Variants in SLC22A23 observed in about 807,000 individuals in gnomAD.
The protein encoded by SLC22A23 is solute carrier family 22 member 23, also known as ion transporter protein.
Under a neutral mutation model 61.0 loss-of-function variants are expected in SLC22A23, and 26 were observed. The ratio of observed to expected loss-of-function variants is 0.43; its 90% confidence interval spans 0.31 to 0.59. The LOEUF (loss-of-function observed/expected upper bound fraction) is 0.59, where lower values mean the gene tolerates loss of function less well. SLC22A23 is among the 20% of genes least tolerant of loss of function. The pLI, the probability that SLC22A23 is intolerant of heterozygous loss-of-function variation, is 0.11. For synonymous variants in SLC22A23, 430 were observed against 413.9 expected (o/e 1.04, Z -0.47); for missense variants, 796 against 934.7 (o/e 0.85, Z 1.94).
At chr6:3,305,570 AT>A (rs1032180053) in intron 4 of SLC22A23, among the ~76,000 whole-genome samples, 9 of 152,148 alleles carry the variant, frequency 5.9e-5, no homozygotes, top group African/African-American at 2.2e-4. Flanking sequence ...GCGTGGCCAT[AT>A]TATGGGAACT....
chr6:3,316,217 G>A (rs1234773876), intron 4 of SLC22A23, among the ~76,000 whole-genome samples: 4 of 152,212 alleles, frequency 2.6e-5, no homozygotes, highest in African/African-American at 7.2e-5. Context: ...GAGTGATTTG[G>A]TGAAGGTTTT....
At chr6:3,367,120 T>G (rs1765885590) in intron 3 of SLC22A23, among the ~76,000 whole-genome samples, 1 of 152,184 alleles carries the variant, frequency 6.6e-6, no homozygotes, top group Admixed American at 6.5e-5. Context: ...GGGAAGTGTG[T>G]GTGTATTTTA....
intron 1 of SLC22A23, among the ~76,000 whole-genome samples, chr6:3,450,333 G>C (rs919024741): frequency 2.0e-5 from 3 of 152,174 alleles, no homozygotes; most frequent in Non-Finnish European, 2.9e-5. Flanking sequence ...TTGAGACGGA[G>C]TCTCGCTCTG....
intron 4 of SLC22A23, among the ~76,000 whole-genome samples, chr6:3,301,796 G>A (rs1217352697): frequency 6.6e-6 from 1 of 152,246 alleles, no homozygotes; most frequent in South Asian, 2.1e-4. Context: ...ATCCTCAAGT[G>A]TTACCCACAG....
chr6:3,310,356 C>G, intron 4 of SLC22A23, among the ~76,000 whole-genome samples: 1 of 76,772 alleles, frequency 1.3e-5, no homozygotes, highest in Non-Finnish European at 3.1e-5. Context: ...CAGGGAGCAC[C>G]CTGTCTCCCA....
chr6:3,310,309 T>TGGAG (rs1561888193), intron 4 of SLC22A23, among the ~76,000 whole-genome samples: 4 of 116,936 alleles, frequency 3.4e-5, no homozygotes, highest in African/African-American at 1.1e-4. Context: ...TGTCTCCCAC[T>TGGAG]CAAGCACCCT....
At chr6:3,444,991 G>A (rs765139996) in intron 1 of SLC22A23, 61 of 985,482 alleles carry the variant, frequency 6.2e-5, no homozygotes, top group Non-Finnish European at 7.2e-5. Context: ...AGGCACCTGA[G>A]GCTTCCAGGG....
At position 3,272,581 on chromosome 6, in the gene SLC22A23, A is replaced by C. The variant is rs1384679645; in HGVS notation, c.*474T>G. The C allele has an allele frequency of 6.5e-6, 1 of 153,098 alleles. No homozygotes were observed. The highest frequency in any genetic ancestry group is 1.9e-4 in the East Asian group (1 of 5,314). 9.5% of individuals were successfully genotyped at this position (153,098 alleles called of 1,614,324 possible). On this transcript the variant is annotated 3_prime_UTR_variant, in exon 10 of 10. Transcript: ENST00000406686. The stretch of plus-strand genomic sequence containing the variant: ...TCATGTACATTTCACTCCGTCTAAA[A>C]TGCAGTCCCGGAAACGCTCCACGGT...
At chr6:3,444,105 G>A (rs1771758075) in intron 1 of SLC22A23, among the ~76,000 whole-genome samples, 1 of 152,190 alleles carries the variant, frequency 6.6e-6, no homozygotes, top group South Asian at 2.1e-4. Flanking sequence ...CCATGCAGAT[G>A]CCATGGGTGG....
chr6:3,335,505 G>A (rs1213892588), intron 3 of SLC22A23, among the ~76,000 whole-genome samples: 4 of 152,150 alleles, frequency 2.6e-5, no homozygotes, highest in African/African-American at 9.7e-5. Flanking sequence ...CCATCTCTGG[G>A]GTGAATTCCT....
rs1027911406 is a variant in SLC22A23, at chr6:3,414,791, G to T, written c.758+961C>A. ...TAAGCTGGGGAGACAGTTACACTACGCCTCTCTCCTGAGCAATCTCGCTAC... is the reference window on the plus strand; with the variant it reads ...TAAGCTGGGGAGACAGTTACACTACTCCTCTCTCCTGAGCAATCTCGCTAC... On this transcript the variant is annotated intron_variant, in intron 2 of 9. Transcript: ENST00000406686. This position sits in a 1 kb window ranked among gnomAD's most constrained non-coding sequence, Gnocchi z 5.1. Among the ~76,000 whole-genome samples, 1 of 147,894 alleles carries T rather than the reference G, an allele frequency of 6.8e-6. No homozygotes were observed. The highest frequency in any genetic ancestry group is 2.2e-4 in the South Asian group (1 of 4,612).
At position 3,308,908 on chromosome 6, in the gene SLC22A23, A is replaced by T. The variant is rs1263774915; in HGVS notation, c.1083-10690T>A. 6.6e-6 allele frequency among the ~76,000 whole-genome samples: 1 copy of T among 151,994 alleles called. No individual in the cohort carries two copies. Among genetic ancestry groups the T allele is most frequent in the Non-Finnish European group, 1.5e-5 (1 of 68,004 alleles). ...CAGTGAGCCGAGATTGTGCCACTGC[A>T]CTCCAGCCTGGGCGACAGAGCGAGA... is the stretch of plus-strand genomic sequence containing the variant. On this transcript the variant is annotated intron_variant, in intron 4 of 9. Coordinates refer to ENST00000406686, the MANE Select transcript of SLC22A23 (RefSeq NM_015482.2). The surrounding 1 kb of genome is among the most constrained non-coding windows in gnomAD (Gnocchi z 5.1).
intron 7 of SLC22A23, among the ~76,000 whole-genome samples, chr6:3,285,516 C>T (rs192679132): frequency 6.6e-6 from 1 of 152,310 alleles, no homozygotes; most frequent in Admixed American, 6.5e-5. Flanking sequence ...TTGGTGTTCG[C>T]CTGGGGCTCC....
At chr6:3,277,928 G>A (rs1294507754) in intron 9 of SLC22A23, among the ~76,000 whole-genome samples, 1 of 152,252 alleles carries the variant, frequency 6.6e-6, no homozygotes, top group Non-Finnish European at 1.5e-5. Context: ...GACGAAGCGA[G>A]CTGCCTTGTG....
chr6:3,285,186 G>T, intron 7 of SLC22A23, 75 bp from the exon 8 acceptor site: 1 of 1,587,860 alleles, frequency 6.3e-7, no homozygotes, highest in Non-Finnish European at 8.6e-7. Flanking sequence ...AGCACATTAG[G>T]TGTGGAGTTA....
chr6:3,334,700 G>A (rs1763756168), intron 3 of SLC22A23, among the ~76,000 whole-genome samples: 1 of 152,212 alleles, frequency 6.6e-6, no homozygotes, highest in Non-Finnish European at 1.5e-5. Flanking sequence ...CCGGGTGCTA[G>A]GGGCGGAGCC....
At chr6:3,393,670 AC>A (rs1767812652) in intron 3 of SLC22A23, among the ~76,000 whole-genome samples, 1 of 152,204 alleles carries the variant, frequency 6.6e-6, no homozygotes, top group African/African-American at 2.4e-5. Context: ...ACATGTGACA[AC>A]CATTGCTCCA....
At chr6:3,362,587 G>A (rs942135824) in intron 3 of SLC22A23, among the ~76,000 whole-genome samples, 1 of 151,958 alleles carries the variant, frequency 6.6e-6, no homozygotes, top group Non-Finnish European at 1.5e-5. Context: ...AATGAGCACA[G>A]CAAAGCCCCC....
intron 3 of SLC22A23, among the ~76,000 whole-genome samples, chr6:3,347,194 A>G (rs1764490151): frequency 6.6e-6 from 1 of 152,228 alleles, no homozygotes; most frequent in Non-Finnish European, 1.5e-5. Context: ...TCATGGACTT[A>G]ACCCCTCGCA....
Sources: gnomAD v4.1 joint callset for allele counts (sites outside exome capture counted in the v4.1 genomes callset) on GRCh38, gnomAD v4.1.1 for gene constraint, Gnocchi (gnomAD v3.1) non-coding constraint, MANE v1.5 for transcripts, NCBI Gene and HGNC (gene_info 2026-07-23, HGNC 2026-07-21) for gene names.